Variants in ARB2A observed in about 807,000 individuals in gnomAD.
The protein encoded by ARB2A is ARB2 cotranscriptional regulator A.
At chr5:93,732,914 G>A in the ARB2A span, among the ~76,000 whole-genome samples, 1 of 151,198 alleles carries the variant, frequency 6.6e-6, no homozygotes, top group Non-Finnish European at 1.5e-5. Flanking sequence ...TCCAATACCT[G>A]TACATACATT....
the ARB2A span, among the ~76,000 whole-genome samples, chr5:93,929,857 A>C: frequency 6.6e-6 from 1 of 152,236 alleles, no homozygotes; most frequent in East Asian, 1.9e-4. Context: ...TGAGTATATC[A>C]GTTGAAGAGT....
the ARB2A span, among the ~76,000 whole-genome samples, chr5:93,732,438 A>G: frequency 1.3e-5 from 2 of 152,198 alleles, no homozygotes; most frequent in African/African-American, 4.8e-5. Flanking sequence ...GGCTTACATT[A>G]TGTTCTAAAT....
At chr5:93,619,513 A>T in the ARB2A span, 1 of 152,234 alleles carries the variant, frequency 6.6e-6, no homozygotes, top group Non-Finnish European at 1.5e-5. Context: ...CTGAGGCATT[A>T]GACAGTTCGA....
At chr5:93,753,388 G>C in the ARB2A span, among the ~76,000 whole-genome samples, 1 of 152,240 alleles carries the variant, frequency 6.6e-6, no homozygotes, top group South Asian at 2.1e-4. Context: ...AGTGTAAACA[G>C]TCAACCTGGA....
the ARB2A span, among the ~76,000 whole-genome samples, chr5:94,048,450 C>G: frequency 6.6e-6 from 1 of 152,108 alleles, no homozygotes; most frequent in Non-Finnish European, 1.5e-5. Flanking sequence ...TGTGAAGATT[C>G]TTTAACTGTC....
At chr5:93,812,291 G>GA in the ARB2A span, among the ~76,000 whole-genome samples, 2 of 151,984 alleles carry the variant, frequency 1.3e-5, no homozygotes, top group Admixed American at 6.6e-5. Context: ...ATTGGAACAG[G>GA]ATTTTTTTCC....
the ARB2A span, among the ~76,000 whole-genome samples, chr5:93,900,807 A>G: frequency 6.6e-6 from 1 of 152,154 alleles, no homozygotes; most frequent in Admixed American, 6.5e-5. Flanking sequence ...AAAATTGAGC[A>G]ATAGTATATA....
the ARB2A span, chr5:93,861,032 T>C: frequency 1.3e-5 from 2 of 152,292 alleles, no homozygotes; most frequent in East Asian, 3.9e-4. Context: ...ACACAATAAA[T>C]AGCTGAACTC....
the ARB2A span, among the ~76,000 whole-genome samples, chr5:93,965,124 T>G: frequency 1.3e-5 from 2 of 152,064 alleles, no homozygotes; most frequent in Non-Finnish European, 2.9e-5. Flanking sequence ...GTTTAGAACC[T>G]TGAAATGGCG....
At chr5:93,771,664 TCAAA>T in the ARB2A span, among the ~76,000 whole-genome samples, 5 of 152,140 alleles carry the variant, frequency 3.3e-5, no homozygotes, top group African/African-American at 1.2e-4. Flanking sequence ...CAGACACTTC[TCAAA>T]AGAAGACATT....
At chr5:93,745,740 T>G in the ARB2A span, among the ~76,000 whole-genome samples, 3 of 151,936 alleles carry the variant, frequency 2.0e-5, no homozygotes, top group Non-Finnish European at 4.4e-5. Context: ...AAGAATGATA[T>G]CCAAGTCAGA....
chr5:93,883,354 T>TTA, the ARB2A span, among the ~76,000 whole-genome samples: 1 of 151,666 alleles, frequency 6.6e-6, no homozygotes, highest in African/African-American at 2.4e-5. Flanking sequence ...CACAAAAAGC[T>TTA]TATAAAACAC....
chr5:93,819,388 T>A, the ARB2A span, among the ~76,000 whole-genome samples: 1 of 152,124 alleles, frequency 6.6e-6, no homozygotes, highest in Admixed American at 6.5e-5. Flanking sequence ...ACAAAACTAA[T>A]TAGTATGTAT....
chr5:93,659,486 G>A, the ARB2A span, among the ~76,000 whole-genome samples: 1 of 152,088 alleles, frequency 6.6e-6, no homozygotes, highest in Non-Finnish European at 1.5e-5. Context: ...AACTGAGTTT[G>A]GGAGATGTTT....
chr5:93,933,929 C>G, the ARB2A span, among the ~76,000 whole-genome samples: 2 of 152,092 alleles, frequency 1.3e-5, no homozygotes, highest in Admixed American at 1.3e-4. Context: ...TCACTTGAAC[C>G]TGGCAGGCGG....
At chr5:93,726,947 CTAAAAGT>C in the ARB2A span, among the ~76,000 whole-genome samples, 3 of 151,926 alleles carry the variant, frequency 2.0e-5, no homozygotes, top group African/African-American at 7.3e-5. Flanking sequence ...CTGTAGATCA[CTAAAAGT>C]GGTAGGCAAT....
At chr5:94,044,990 T>C in the ARB2A span, among the ~76,000 whole-genome samples, 14 of 151,138 alleles carry the variant, frequency 9.3e-5, no homozygotes, top group African/African-American at 2.9e-4. Flanking sequence ...ATGGTGGCGC[T>C]TGCCTGTAAT....
chr5:93,675,033 CA>C, the ARB2A span, among the ~76,000 whole-genome samples: 1 of 152,162 alleles, frequency 6.6e-6, no homozygotes, highest in African/African-American at 2.4e-5. Context: ...TTCTGCTTCT[CA>C]ACCAGTACAG....
the ARB2A span, among the ~76,000 whole-genome samples, chr5:93,913,610 T>C: frequency 6.6e-6 from 1 of 151,988 alleles, no homozygotes; most frequent in Admixed American, 6.6e-5. Context: ...CTAGATTATT[T>C]GAGCACTAAC....
Sources: gnomAD v4.1 joint callset for allele counts (sites outside exome capture counted in the v4.1 genomes callset) on GRCh38, gnomAD v4.1.1 for gene constraint, MANE v1.5 for transcripts, NCBI Gene and HGNC (gene_info 2026-07-23, HGNC 2026-07-21) for gene names.